The following GPHN variants were observed in gnomAD, a reference collection of about 807,000 sequenced individuals.
GPHN encodes gephyrin.
Under a neutral mutation model 95.5 loss-of-function variants are expected in GPHN, and 17 were observed. The ratio of observed to expected loss-of-function variants is 0.18; its 90% CI spans 0.12 to 0.27. GPHN has a LOEUF of 0.27. Among genes scored for constraint, GPHN ranks in the 10% least tolerant of loss-of-function variants. GPHN has a pLI of 1.00. For missense variants in GPHN, 660 were observed against 978.1 expected, an observed-to-expected ratio of 0.67 and a Z score of 4.34; for synonymous variants, 320 against 322.5, an observed-to-expected ratio of 0.99 and a Z score of 0.08.
chr14:67,566,644 A>G, the GPHN span, among the ~76,000 whole-genome samples: 1 of 151,796 alleles, frequency 6.6e-6, no homozygotes, highest in Non-Finnish European at 1.5e-5. Flanking sequence ...GCTACTCAGG[A>G]GGCTTAAGTG....
At chr14:67,506,931 C>T in the GPHN span, among the ~76,000 whole-genome samples, 1 of 152,150 alleles carries the variant, frequency 6.6e-6, no homozygotes, top group Non-Finnish European at 1.5e-5. Flanking sequence ...TTGCAGTGAG[C>T]TGAGATCGTG....
chr14:67,645,495 T>C, the GPHN span: 1 of 792,810 alleles, frequency 1.3e-6, no homozygotes, highest in Non-Finnish European at 1.9e-6. Flanking sequence ...GAACTACAAC[T>C]ACAGGTCTTG....
intron 1 of GPHN, among the ~76,000 whole-genome samples, chr14:66,567,277 C>T (rs2060497768): frequency 1.3e-5 from 2 of 152,106 alleles, no homozygotes; most frequent in South Asian, 2.1e-4. Flanking sequence ...TTTTTAGCAG[C>T]GTAGGGGACT....
intron 5 of GPHN, among the ~76,000 whole-genome samples, chr14:66,880,374 G>C (rs766994093): frequency 2.6e-5 from 4 of 151,552 alleles, no homozygotes; most frequent in Non-Finnish European, 4.4e-5. Flanking sequence ...TGTTGTTGTT[G>C]TTGTTGCTTG....
intron 2 of GPHN, among the ~76,000 whole-genome samples, chr14:66,715,980 A>ATATATC (rs1369264324): frequency 6.6e-6 from 1 of 151,840 alleles, no homozygotes; most frequent in African/African-American, 2.4e-5. Flanking sequence ...GGAATGTTCT[A>ATATATC]TATATCTATA....
At chr14:67,207,693 G>A in the GPHN span, among the ~76,000 whole-genome samples, 1 of 152,114 alleles carries the variant, frequency 6.6e-6, no homozygotes, top group Non-Finnish European at 1.5e-5. Context: ...GGCTAGGAGA[G>A]GTGAGACATT....
At chr14:67,330,657 C>T in the GPHN span, among the ~76,000 whole-genome samples, 1 of 152,070 alleles carries the variant, frequency 6.6e-6, no homozygotes, top group African/African-American at 2.4e-5. Context: ...GGGGTTTCTC[C>T]ATGTTGGTCA....
chr14:66,678,432 A>G (rs1188548879), intron 1 of GPHN, among the ~76,000 whole-genome samples: 7 of 149,736 alleles, frequency 4.7e-5, no homozygotes, highest in Non-Finnish European at 8.9e-5. Context: ...ATTTCTGTTT[A>G]GTTGTTTTTT....
At chr14:67,210,835 A>G in the GPHN span, among the ~76,000 whole-genome samples, 1 of 152,070 alleles carries the variant, frequency 6.6e-6, no homozygotes, top group African/African-American at 2.4e-5. Flanking sequence ...CTACATGGTG[A>G]AACCCTGTCT....
At chr14:66,578,129 A>T (rs2060983243) in intron 1 of GPHN, among the ~76,000 whole-genome samples, 1 of 151,870 alleles carries the variant, frequency 6.6e-6, no homozygotes, top group South Asian at 2.1e-4. Flanking sequence ...AGCCATTTTT[A>T]ATCAACTCAG....
chr14:67,052,110 T>C (rs1271325298), intron 10 of GPHN, among the ~76,000 whole-genome samples: 1 of 152,054 alleles, frequency 6.6e-6, no homozygotes, highest in Non-Finnish European at 1.5e-5. Flanking sequence ...CACAAATATA[T>C]TAACCTTAAA....
At chr14:67,710,055 A>G in the GPHN span, among the ~76,000 whole-genome samples, 2 of 152,194 alleles carry the variant, frequency 1.3e-5, no homozygotes, top group Admixed American at 6.5e-5. Flanking sequence ...CTCCCCACTT[A>G]GAGTCTTCCT....
intron 8 of GPHN, among the ~76,000 whole-genome samples, chr14:66,940,028 C>T (rs920541549): frequency 5.3e-5 from 8 of 152,090 alleles, no homozygotes; most frequent in African/African-American, 1.4e-4. Context: ...GGACCAAAAG[C>T]TTGACCGGTA....
the GPHN span, among the ~76,000 whole-genome samples, chr14:67,720,517 A>G: frequency 5.3e-5 from 8 of 152,176 alleles, no homozygotes; most frequent in Non-Finnish European, 7.4e-5. Flanking sequence ...GGAAGGATCA[A>G]GTTTGCTTTT....
At chr14:66,803,375 C>T (rs1275075692) in intron 3 of GPHN, among the ~76,000 whole-genome samples, 11 of 152,150 alleles carry the variant, frequency 7.2e-5, no homozygotes, top group Admixed American at 7.2e-4. Flanking sequence ...GAAGTTAAAA[C>T]CAGGTACTAT....
chr14:67,211,156 A>G, the GPHN span, among the ~76,000 whole-genome samples: 1 of 152,240 alleles, frequency 6.6e-6, no homozygotes, highest in African/African-American at 2.4e-5. Context: ...TCTACCATGT[A>G]GAATTGCTAT....
the GPHN span, among the ~76,000 whole-genome samples, chr14:67,426,065 G>A: frequency 0.034 from 5,121 of 151,756 alleles, 266 homozygotes; most frequent in African/African-American, 0.11. Flanking sequence ...TTTAATAACC[G>A]GCTTATCCTG....
At chr14:66,839,654 G>A (rs143734539) in intron 4 of GPHN, among the ~76,000 whole-genome samples, 1 of 152,122 alleles carries the variant, frequency 6.6e-6, no homozygotes, top group Non-Finnish European at 1.5e-5. Context: ...TGTGATTCAA[G>A]ATTACATTGT....
At chr14:67,200,048 G>C in the GPHN span, 1 of 936,984 alleles carries the variant, frequency 1.1e-6, no homozygotes, top group South Asian at 1.7e-5. Flanking sequence ...CCAGGCTCTG[G>C]GGGACAGCCA....
Sources: allele counts gnomAD v4.1 joint callset (sites outside exome capture counted in the v4.1 genomes callset), GRCh38; gene constraint gnomAD v4.1.1; transcripts MANE v1.5; gene names NCBI Gene and HGNC (gene_info 2026-07-23, HGNC 2026-07-21).